Variants in MORC1 observed in about 807,000 individuals in gnomAD.
MORC1 encodes MORC family CW-type zinc finger 1.
MORC1 carries 59 observed loss-of-function variants against 134.9 expected under a neutral mutation model. That is an observed-to-expected ratio of 0.44 (90% confidence interval 0.35 to 0.54). The LOEUF is 0.54. Among genes scored for constraint, MORC1 ranks in the 20% least tolerant of loss-of-function variants. The probability of loss-of-function intolerance (pLI) is 0.00; values close to 1 mark genes in which losing one functional copy is unlikely to be tolerated. For synonymous variants in MORC1, 395 were observed against 391.7 expected, an observed-to-expected ratio of 1.01 and a Z score of -0.10; for missense variants, 947 against 1,134.5, an observed-to-expected ratio of 0.83 and a Z score of 2.37.
chr3:108,979,579 A>G lies in MORC1; in HGVS notation c.2413T>C (p.Ser805Pro). 1 of 1,614,206 alleles carries G rather than the reference A, an allele frequency of 6.2e-7. No individual in the cohort carries two copies. Among genetic ancestry groups the G allele is most frequent in the Middle Eastern group, 1.6e-4 (1 of 6,062 alleles). ...SVSGSCKVAS[S>P]PASSQSTPVK... Reference sequence around the variant, plus strand: ...GGTGTGCTTTGAGAAGACGCTGGCGAAGAAGCAACTTTACAACTGCCACTC... The same window carrying G: ...GGTGTGCTTTGAGAAGACGCTGGCGGAGAAGCAACTTTACAACTGCCACTC... Residue 805 changes from serine (S) to proline (P), a missense_variant, in exon 24 of 28, where the codon TCG becomes CCG. Physicochemically the swap from Ser to Pro is moderately conservative, Grantham distance 74. Around this residue, in one of 3 missense-constraint regions of MORC1, gnomAD observed 722 missense variants for 817.0 expected, o/e 0.88. Transcript: ENST00000232603.
chr3:109,075,735 T>C lies in MORC1; in HGVS notation c.690-5978A>G, dbSNP rs559296251. Reference sequence around the variant, plus strand: ...TATAGTTTGAAGTCAGGTAGCATGATGCCTCCATTGTTCTTTTTGCCTAGG... The same window carrying C: ...TATAGTTTGAAGTCAGGTAGCATGACGCCTCCATTGTTCTTTTTGCCTAGG... On this transcript the variant is annotated intron_variant, in intron 8 of 27. Coordinates refer to ENST00000232603, the MANE Select transcript of MORC1 (RefSeq NM_014429.4). Among the ~76,000 whole-genome samples the C allele has an allele frequency of 1.2e-3, 181 of 152,324 alleles. 2 individuals carry two copies. Among genetic ancestry groups the C allele is most frequent in the Non-Finnish European group, 1.9e-3 (131 of 68,038 alleles).
chr3:108,991,899 A>G (rs1360350129), intron 21 of MORC1, among the ~76,000 whole-genome samples: 1 of 152,134 alleles, frequency 6.6e-6, no homozygotes, highest in African/African-American at 2.4e-5. Context: ...AAGCTGTACT[A>G]CCTTTCTTTT....
intron 2 of MORC1, among the ~76,000 whole-genome samples, chr3:109,111,057 A>C (rs1409507842): frequency 0.013 from 2,026 of 151,024 alleles, 48 homozygotes; most frequent in African/African-American, 0.036. Flanking sequence ...ATTTAAAAAA[A>C]AAAAAAAAAA....
intron 8 of MORC1, among the ~76,000 whole-genome samples, chr3:109,092,344 G>A (rs1462018912): frequency 6.6e-6 from 1 of 152,178 alleles, no homozygotes; most frequent in Non-Finnish European, 1.5e-5. Flanking sequence ...CTAAAAGTGT[G>A]TTATCAAATA....
intron 8 of MORC1, among the ~76,000 whole-genome samples, chr3:109,087,047 C>A (rs1950627698): frequency 6.6e-6 from 1 of 151,914 alleles, no homozygotes; most frequent in African/African-American, 2.4e-5. Context: ...ATTGCTTTAC[C>A]TGTTTATGAA....
intron 23 of MORC1, 35 bp downstream of exon 23, chr3:108,984,681 C>T (rs751588875): frequency 1.1e-5 from 16 of 1,430,272 alleles, no homozygotes; most frequent in Non-Finnish European, 1.5e-5. Context: ...GATAATTGCA[C>T]TCACTTGGAA....
At chr3:109,079,264 C>T (rs188630211) in intron 8 of MORC1, among the ~76,000 whole-genome samples, 33 of 152,116 alleles carry the variant, frequency 2.2e-4, no homozygotes, top group African/African-American at 7.2e-4. Flanking sequence ...AAGAATAATA[C>T]ATCATGATCT....
intron 1 of MORC1, 63 bp from the exon 2 acceptor site, chr3:109,114,500 TAA>T: frequency 7.0e-7 from 1 of 1,436,912 alleles, no homozygotes; most frequent in East Asian, 2.3e-5. Flanking sequence ...GTAAAAGCTT[TAA>T]GATTCTTGCA....
chr3:109,046,028 TAAAC>T (rs1369809519), intron 14 of MORC1, among the ~76,000 whole-genome samples: 2 of 152,194 alleles, frequency 1.3e-5, no homozygotes, highest in Admixed American at 6.5e-5. Flanking sequence ...TGACAAAAAA[TAAAC>T]AAATTATGAA....
chr3:109,043,489 G>A (rs1949610085), intron 14 of MORC1, among the ~76,000 whole-genome samples: 1 of 151,992 alleles, frequency 6.6e-6, no homozygotes, highest in South Asian at 2.1e-4. Context: ...ATGGATGGTA[G>A]TGACAGTTGT....
chr3:109,116,546 G>C (rs1331974520), intron 1 of MORC1, among the ~76,000 whole-genome samples: 9 of 152,180 alleles, frequency 5.9e-5, no homozygotes, highest in African/African-American at 2.2e-4. Context: ...CGAAGTGGGA[G>C]GATCACCTGA....
chr3:109,069,637 T>A lies in MORC1; in HGVS notation c.810A>T (p.Arg270Ser). ...KTKHLCYCLY[R>S]PRKYLYVTSS... ...ACTGAAGAAAGATGAGTTACCTGGG[T>A]CTGTAGAGGCAATAGCAAAGATGTT... Residue 270 changes from arginine to serine, a missense_variant, in exon 9 of 28, where the codon AGA (arginine) becomes AGT (serine). Transcript: ENST00000232603. The A allele has an allele frequency of 6.3e-7, 1 of 1,589,244 alleles. No individual in the cohort carries two copies. The highest frequency in any genetic ancestry group is 8.6e-7 in the Non-Finnish European group (1 of 1,164,828).
intron 8 of MORC1, among the ~76,000 whole-genome samples, chr3:109,084,458 G>T (rs989941904): frequency 2.0e-5 from 3 of 152,008 alleles, no homozygotes; most frequent in Admixed American, 1.3e-4. Flanking sequence ...AGAAGTGAAA[G>T]ATCTATACAA....
chr3:109,083,534 A>G (rs1181821848), intron 8 of MORC1, among the ~76,000 whole-genome samples: 5 of 152,148 alleles, frequency 3.3e-5, no homozygotes, highest in Non-Finnish European at 2.9e-5. Context: ...GTGCCCATCA[A>G]AGAAAATCCC....
chr3:108,983,093 C>G (rs1474969669), intron 23 of MORC1, among the ~76,000 whole-genome samples: 1 of 151,558 alleles, frequency 6.6e-6, no homozygotes, highest in Non-Finnish European at 1.5e-5. Flanking sequence ...CATACACACA[C>G]CTGCATACAC....
chr3:108,996,277 C>CGT (rs1559879991), intron 21 of MORC1, among the ~76,000 whole-genome samples: 2 of 127,484 alleles, frequency 1.6e-5, no homozygotes, highest in African/African-American at 5.5e-5. Flanking sequence ...CGCGTGCGTG[C>CGT]GCGCGCGCGC....
chr3:109,068,769 C>T (rs918033657), intron 9 of MORC1, among the ~76,000 whole-genome samples: 1 of 152,146 alleles, frequency 6.6e-6, no homozygotes, highest in African/African-American at 2.4e-5. Flanking sequence ...TGAAAGACTA[C>T]CCAGAAACCA....
intron 14 of MORC1, among the ~76,000 whole-genome samples, chr3:109,053,989 G>C (rs1003557149): frequency 3.3e-5 from 5 of 152,026 alleles, no homozygotes; most frequent in African/African-American, 1.2e-4. Flanking sequence ...GCAAAACAAA[G>C]TCTAACATAT....
chr3:108,967,391 G>A (rs2715750), intron 26 of MORC1, among the ~76,000 whole-genome samples: 52,542 of 151,966 alleles, frequency 0.35, 9,508 homozygotes, highest in Middle Eastern at 0.49. Context: ...TAACCAGTAA[G>A]TGGAGAGCTA....
Sources: allele counts gnomAD v4.1 joint callset (sites outside exome capture counted in the v4.1 genomes callset), GRCh38; gene constraint gnomAD v4.1.1; regional missense constraint gnomAD v4.1.1; transcripts MANE v1.5; gene names NCBI Gene and HGNC (gene_info 2026-07-23, HGNC 2026-07-21).